The following RNFT2 variants were observed in gnomAD, a reference collection of about 807,000 sequenced individuals.
RNFT2 encodes ring finger protein, transmembrane 2, also known as E3 ubiquitin-protein ligase RNFT2.
Under a neutral mutation model 53.0 loss-of-function variants are expected in RNFT2, and 36 were observed. The observed-to-expected ratio is 0.68, with a 90% CI of 0.52 to 0.90. The LOEUF is 0.90. RNFT2 is among the 40% of genes least tolerant of loss of function. The pLI is 0.00. For missense variants in RNFT2, 514 were observed against 585.6 expected (o/e 0.88, Z 1.26); for synonymous variants, 260 against 253.2 (o/e 1.03, Z -0.26).
intron 6 of RNFT2, among the ~76,000 whole-genome samples, chr12:116,769,742 A>G (rs1873089492): frequency 6.6e-6 from 1 of 152,080 alleles, no homozygotes; most frequent in Non-Finnish European, 1.5e-5. Context: ...TTTTAAAATA[A>G]ATGTAACGGC....
intron 7 of RNFT2, among the ~76,000 whole-genome samples, chr12:116,783,602 C>G (rs997420109): frequency 6.6e-6 from 1 of 152,272 alleles, no homozygotes; most frequent in Admixed American, 6.5e-5. Flanking sequence ...AACACCCCTC[C>G]CTGTGCCCAG....
chr12:116,844,593 T>G (rs1877512081), intron 10 of RNFT2, among the ~76,000 whole-genome samples: 1 of 152,260 alleles, frequency 6.6e-6, no homozygotes, highest in South Asian at 2.1e-4. Flanking sequence ...TTTCTAAATT[T>G]GTAAATATAG....
At chr12:116,769,534 T>C (rs1008378371) in intron 6 of RNFT2, among the ~76,000 whole-genome samples, 15 of 152,196 alleles carry the variant, frequency 9.9e-5, no homozygotes, top group South Asian at 6.2e-4. Context: ...TGTACGTTTA[T>C]GTCTTAAGTT....
chr12:116,835,612 G>A (rs1432452081), intron 8 of RNFT2, among the ~76,000 whole-genome samples: 2 of 152,192 alleles, frequency 1.3e-5, no homozygotes, highest in African/African-American at 4.8e-5. Context: ...CACAGTGGCT[G>A]ACTGGAGTGC....
chr12:116,763,778 C>CA (rs1309436988), intron 5 of RNFT2, among the ~76,000 whole-genome samples: 59 of 98,612 alleles, frequency 6.0e-4, no homozygotes, highest in South Asian at 1.8e-3. Context: ...GACTCCATCT[C>CA]AAAAAAAAAA....
At chr12:116,751,505 G>A (rs1459214101) in intron 4 of RNFT2, among the ~76,000 whole-genome samples, 2 of 151,794 alleles carry the variant, frequency 1.3e-5, no homozygotes, top group African/African-American at 4.8e-5. Context: ...CCGGGTTCAA[G>A]CAATTCTCCT....
chr12:116,787,785 A>AGGT (rs1485672401), intron 7 of RNFT2, among the ~76,000 whole-genome samples: 8 of 151,848 alleles, frequency 5.3e-5, no homozygotes, highest in African/African-American at 1.9e-4. Flanking sequence ...GAGAGGAGGC[A>AGGT]GGTGAGGCTT....
At chr12:116,832,144 A>AT (rs1414365866) in intron 7 of RNFT2, among the ~76,000 whole-genome samples, 1,297 of 52,054 alleles carry the variant, frequency 0.025, 26 homozygotes, top group African/African-American at 0.066. Context: ...AAAAAAAAAA[A>AT]AAAAATATAT....
intron 6 of RNFT2, among the ~76,000 whole-genome samples, chr12:116,767,122 C>T (rs983994749): frequency 6.6e-6 from 1 of 152,192 alleles, no homozygotes; most frequent in Non-Finnish European, 1.5e-5. Context: ...TTAACATCTT[C>T]TAGTTACTGA....
At chr12:116,828,069 C>T (rs2137192946) in intron 7 of RNFT2, among the ~76,000 whole-genome samples, 2 of 152,268 alleles carry the variant, frequency 1.3e-5, no homozygotes, top group South Asian at 4.2e-4. Context: ...GTAGCCGTGT[C>T]CTTACCTGTC....
At chr12:116,783,249 TC>T (rs1037710888) in intron 7 of RNFT2, among the ~76,000 whole-genome samples, 16 of 152,238 alleles carry the variant, frequency 1.1e-4, no homozygotes, top group South Asian at 6.2e-4. Flanking sequence ...CAAGGGTTTC[TC>T]CCAGCTGTCT....
chr12:116,808,371 C>G (rs868583623), intron 7 of RNFT2, among the ~76,000 whole-genome samples: 1 of 152,182 alleles, frequency 6.6e-6, no homozygotes, highest in African/African-American at 2.4e-5. Context: ...ATTACAGGTG[C>G]GAGCCGCTGC....
intron 7 of RNFT2, among the ~76,000 whole-genome samples, chr12:116,819,414 G>A (rs900019527): frequency 2.6e-5 from 4 of 152,092 alleles, no homozygotes; most frequent in Non-Finnish European, 5.9e-5. Flanking sequence ...GGGGCGCGGG[G>A]CTGTGACCTC....
rs1220656792 is a variant in RNFT2, at chr12:116,836,143, G to T, written c.1099-38G>T. 5 of 1,589,380 alleles carry T rather than the reference G, an allele frequency of 3.1e-6. 1 individual carries two copies. The South Asian group carries it at 5.6e-5, about 18-fold the overall frequency. On this transcript the variant is annotated intron_variant, in intron 9 of 10. Transcript: ENST00000257575. ...GCTCCTGAGGGCGTAGTTCCCAAGG[G>T]CGCCCATAGCTGTATTTGCTTCTCC...
chr12:116,772,810 T>C (rs1030958333), intron 6 of RNFT2, among the ~76,000 whole-genome samples: 1 of 152,150 alleles, frequency 6.6e-6, no homozygotes, highest in Non-Finnish European at 1.5e-5. Flanking sequence ...GCACAAGAAA[T>C]GTCAACAAAT....
chr12:116,765,925 T>G (rs1872893441), intron 5 of RNFT2, among the ~76,000 whole-genome samples: 1 of 152,154 alleles, frequency 6.6e-6, no homozygotes, highest in Admixed American at 6.6e-5. Flanking sequence ...GGTTGTAAAC[T>G]CTTAATAATC....
intron 5 of RNFT2, among the ~76,000 whole-genome samples, chr12:116,761,182 T>C (rs1872679854): frequency 6.6e-6 from 1 of 152,180 alleles, no homozygotes; most frequent in South Asian, 2.1e-4. Context: ...GGAATCTTGC[T>C]CTGTTGCCCA....
intron 4 of RNFT2, among the ~76,000 whole-genome samples, chr12:116,752,436 GT>G (rs1566070260): frequency 1.3e-5 from 2 of 151,750 alleles, no homozygotes; most frequent in Non-Finnish European, 2.9e-5. Context: ...CACTTGGCAG[GT>G]TTTTTTTGTT....
Position 116,814,223 on chromosome 12 carries a change from T to C in RNFT2, c.883-19569T>C, listed in dbSNP as rs1028189127. 5.3e-5 allele frequency among the ~76,000 whole-genome samples: 8 copies of C among 152,288 alleles called. No individual in the cohort carries two copies. In the South Asian group the frequency reaches 1.7e-3, roughly 32 times the overall value. ...TCTTCATCCACTGAACCAGTATTTTTTGGCCACCTATTCTGTACCAGGCCC... is the reference window on the plus strand; with the variant it reads ...TCTTCATCCACTGAACCAGTATTTTCTGGCCACCTATTCTGTACCAGGCCC... On this transcript the variant is annotated intron_variant, in intron 7 of 10. Transcript: ENST00000257575.
Sources: gnomAD v4.1 joint callset for allele counts (sites outside exome capture counted in the v4.1 genomes callset) on GRCh38, gnomAD v4.1.1 for gene constraint, MANE v1.5 for transcripts, NCBI Gene and HGNC (gene_info 2026-07-23, HGNC 2026-07-21) for gene names.